RIMOC1: variants seen among roughly 807,000 people sequenced by gnomAD.
RIMOC1 encodes RAB7A interacting MON1-CCZ1 complex subunit 1.
At chr5:41,912,143 T>G in the RIMOC1 span, 1 of 1,611,142 alleles carries the variant, frequency 6.2e-7, no homozygotes, top group Non-Finnish European at 8.5e-7. Flanking sequence ...ATGAAGGAGT[T>G]TCTTTCCAAG....
At chr5:41,918,263 G>A in the RIMOC1 span, 48 of 985,706 alleles carry the variant, frequency 4.9e-5, no homozygotes, top group African/African-American at 5.8e-4. Context: ...ACCACCTTGA[G>A]TTTCTCTTTC....
the RIMOC1 span, chr5:41,919,057 T>C: frequency 1.3e-5 from 2 of 152,264 alleles, no homozygotes; most frequent in East Asian, 3.9e-4. Flanking sequence ...TAACTATGGC[T>C]TCTTTTACCA....
At chr5:41,917,142 G>T in the RIMOC1 span, 1 of 1,613,860 alleles carries the variant, frequency 6.2e-7, no homozygotes, top group South Asian at 1.1e-5. Context: ...TCTGGAGCGG[G>T]CTGCACTACA....
chr5:41,913,655 A>C, the RIMOC1 span, among the ~76,000 whole-genome samples: 1 of 152,212 alleles, frequency 6.6e-6, no homozygotes, highest in Non-Finnish European at 1.5e-5. Context: ...CTTTGGAAAT[A>C]TTCTAGTATA....
chr5:41,921,481 G>A, the RIMOC1 span: 19 of 149,704 alleles, frequency 1.3e-4, no homozygotes, highest in African/African-American at 4.4e-4. Flanking sequence ...ATGTTACAGC[G>A]GTATTACATT....
the RIMOC1 span, among the ~76,000 whole-genome samples, chr5:41,905,365 G>A: frequency 6.6e-6 from 1 of 152,204 alleles, no homozygotes; most frequent in East Asian, 1.9e-4. Flanking sequence ...TAGAGGCAGA[G>A]TATCATTCTG....
chr5:41,907,876 G>A, the RIMOC1 span: 1 of 1,332,612 alleles, frequency 7.5e-7, no homozygotes, highest in Non-Finnish European at 1.1e-6. Flanking sequence ...GGCATTTTAT[G>A]AGGGCAGGTT....
At chr5:41,911,290 T>C in the RIMOC1 span, 1 of 994,282 alleles carries the variant, frequency 1.0e-6, no homozygotes, top group Non-Finnish European at 1.4e-6. Flanking sequence ...GTTTGTATTC[T>C]GTGTCTTTTA....
chr5:41,911,254 TAA>T, the RIMOC1 span: 1 of 1,375,634 alleles, frequency 7.3e-7, no homozygotes, highest in African/African-American at 1.5e-5. Context: ...GTTGTACTAC[TAA>T]GAGTAGTGGA....
chr5:41,910,155 G>A, the RIMOC1 span, among the ~76,000 whole-genome samples: 2 of 151,646 alleles, frequency 1.3e-5, no homozygotes, highest in Admixed American at 6.6e-5. Flanking sequence ...TTCCCATTTC[G>A]ACCCCCTTTA....
At chr5:41,917,226 C>A in the RIMOC1 span, 1 of 1,613,068 alleles carries the variant, frequency 6.2e-7, no homozygotes, top group Non-Finnish European at 8.5e-7. Flanking sequence ...TGTGAAGGAC[C>A]CCTGAAAGAA....
At chr5:41,916,198 A>G in the RIMOC1 span, 68 of 156,636 alleles carry the variant, frequency 4.3e-4, no homozygotes, top group Middle Eastern at 6.6e-3. Flanking sequence ...TAAGTAGGGG[A>G]TGCAAACTCC....
chr5:41,907,817 C>T, the RIMOC1 span: 4 of 1,607,012 alleles, frequency 2.5e-6, no homozygotes, highest in Non-Finnish European at 3.4e-6. Flanking sequence ...TCAAATCCAT[C>T]AAATCTTCTA....
chr5:41,913,385 C>T, the RIMOC1 span, among the ~76,000 whole-genome samples: 2 of 152,190 alleles, frequency 1.3e-5, no homozygotes, highest in African/African-American at 2.4e-5. Flanking sequence ...ATTTCTGCCA[C>T]AAGCGTCTGT....
At chr5:41,918,302 C>T in the RIMOC1 span, 1 of 985,390 alleles carries the variant, frequency 1.0e-6, no homozygotes, top group Non-Finnish European at 1.2e-6. Flanking sequence ...TGATAACTGC[C>T]CTCTTTTCAG....
chr5:41,917,964 A>G, the RIMOC1 span: 1 of 974,176 alleles, frequency 1.0e-6, no homozygotes, highest in South Asian at 4.8e-5. Flanking sequence ...TCAAGTGAGT[A>G]ATGAAGATAA....
At chr5:41,907,668 A>G in the RIMOC1 span, 7 of 838,882 alleles carry the variant, frequency 8.3e-6, no homozygotes, top group Non-Finnish European at 9.6e-6. Context: ...TTCATACATA[A>G]TGTGTTTTTT....
At chr5:41,905,520 T>C in the RIMOC1 span, among the ~76,000 whole-genome samples, 1 of 152,256 alleles carries the variant, frequency 6.6e-6, no homozygotes, top group South Asian at 2.1e-4. Context: ...TCCACCCGCT[T>C]TGGCTTCCCA....
the RIMOC1 span, chr5:41,918,128 G>C: frequency 1.0e-6 from 1 of 985,768 alleles, no homozygotes; most frequent in Non-Finnish European, 1.2e-6. Flanking sequence ...TGGTCTTTCT[G>C]TCTACCTCAA....
Sources: allele counts gnomAD v4.1 joint callset (sites outside exome capture counted in the v4.1 genomes callset), GRCh38; gene constraint gnomAD v4.1.1; transcripts MANE v1.5; gene names NCBI Gene and HGNC (gene_info 2026-07-23, HGNC 2026-07-21).